The following TRIM23 variants were observed in gnomAD, a reference collection of about 807,000 sequenced individuals.
TRIM23 encodes the protein tripartite motif containing 23.
In TRIM23, 27 loss-of-function variants were observed where a neutral mutation model predicts 71.0. The observed-to-expected ratio is 0.38, with a 90% CI of 0.28 to 0.52. The LOEUF is 0.52. Among genes scored for constraint, TRIM23 ranks in the 20% least tolerant of loss-of-function variants. TRIM23 has a pLI of 0.84. For synonymous variants in TRIM23, 234 were observed against 238.0 expected (o/e 0.98, Z 0.16); for missense variants, 482 against 692.3 (o/e 0.70, Z 3.41).
Position 65,618,251 on chromosome 5 carries a change from A to G in TRIM23, c.86T>C (p.Leu29Pro). The change falls in exon 2 of 11, where the codon CTA becomes CCA. Residue 29 changes from leucine (L) to proline (P), a missense_variant. Around this residue, in one of 2 missense-constraint regions of TRIM23, gnomAD observed 175 missense variants for 196.5 expected, o/e 0.89. Coordinates refer to ENST00000231524, the MANE Select transcript of TRIM23 (RefSeq NM_001656.4). ...GSRGTAVVKV[L>P]ECGVCEDVFS... is the part of the protein sequence containing the mutation. ...GACATCTTCACAAACTCCACACTCT[A>G]GCACCTAATATTTGAAAAGGAAGGA... 2.5e-6 allele frequency: 4 copies of G among 1,608,202 alleles called. No individual in the cohort carries two copies. Among genetic ancestry groups the G allele is most frequent in the Non-Finnish European group, 3.4e-6 (4 of 1,178,076 alleles).
chr5:65,609,116 A>C, intron 6 of TRIM23, 127 bp downstream of exon 6: 1 of 931,556 alleles, frequency 1.1e-6, no homozygotes, highest in Non-Finnish European at 1.6e-6. Context: ...GTTGCAGACC[A>C]TTTCCTAAGC....
intron 4 of TRIM23, 129 bp from the exon 5 acceptor site, chr5:65,611,172 A>G: frequency 1.2e-6 from 1 of 817,946 alleles, no homozygotes; most frequent in Admixed American, 3.6e-5. Context: ...GAAAAATACT[A>G]ATTTACTTTC....
intron 6 of TRIM23, among the ~76,000 whole-genome samples, chr5:65,605,719 CAT>C (rs34877510): frequency 0.015 from 2,229 of 152,292 alleles, 46 homozygotes; most frequent in African/African-American, 0.051. Context: ...ACTATCTATA[CAT>C]ATACCAACAT....
At chr5:65,596,980 A>C in intron 8 of TRIM23, 71 bp downstream of exon 8, 1 of 1,577,016 alleles carries the variant, frequency 6.3e-7, no homozygotes, top group South Asian at 1.2e-5. Flanking sequence ...ATCAGTATCA[A>C]ATAAGACCCC....
intron 1 of TRIM23, 51 bp downstream of exon 1, chr5:65,624,143 T>C (rs577856750): frequency 6.2e-7 from 1 of 1,611,536 alleles, no homozygotes; most frequent in Admixed American, 1.7e-5. Context: ...GTCTCCAGGA[T>C]GAACCGAAGG....
chr5:65,610,804 G>A (rs1754629300), intron 5 of TRIM23, 57 bp downstream of exon 5: 17 of 1,442,414 alleles, frequency 1.2e-5, no homozygotes, highest in Non-Finnish European at 1.6e-5. Flanking sequence ...TTAGTAGAAG[G>A]TGAAAATATG....
chr5:65,596,790 C>A (rs1448449613), intron 8 of TRIM23, among the ~76,000 whole-genome samples: 1 of 152,008 alleles, frequency 6.6e-6, no homozygotes, highest in Non-Finnish European at 1.5e-5. Flanking sequence ...CCACAACTAC[C>A]CCCCACCCCA....
chr5:65,614,319 A>C, intron 2 of TRIM23, 100 bp from the exon 3 acceptor site: 1 of 1,135,570 alleles, frequency 8.8e-7, no homozygotes, highest in South Asian at 1.7e-5. Flanking sequence ...TCAGTAGTTA[A>C]TGTCTAAATT....
chr5:65,619,479 A>C (rs1325253272), intron 1 of TRIM23, among the ~76,000 whole-genome samples: 1 of 152,204 alleles, frequency 6.6e-6, no homozygotes, highest in African/African-American at 2.4e-5. Context: ...CATCAAACAC[A>C]CAACACGAGG....
At chr5:65,606,187 T>C (rs1219322488) in intron 6 of TRIM23, among the ~76,000 whole-genome samples, 1 of 152,186 alleles carries the variant, frequency 6.6e-6, no homozygotes, top group Non-Finnish European at 1.5e-5. Context: ...CTCACACCTG[T>C]AGTCCCAGCA....
intron 6 of TRIM23, among the ~76,000 whole-genome samples, chr5:65,608,375 T>C (rs1395966048): frequency 1.3e-5 from 2 of 152,102 alleles, no homozygotes; most frequent in African/African-American, 4.8e-5. Flanking sequence ...ATAAATAGCA[T>C]ACATATCAAC....
At chr5:65,613,623 T>C (rs1754708552) in intron 3 of TRIM23, 12 of 933,036 alleles carry the variant, frequency 1.3e-5, no homozygotes, top group South Asian at 2.5e-5. Context: ...ACAGTACATC[T>C]ATACAAAGTT....
chr5:65,621,221 G>T (rs552841371), intron 1 of TRIM23, among the ~76,000 whole-genome samples: 1 of 152,028 alleles, frequency 6.6e-6, no homozygotes, highest in Non-Finnish European at 1.5e-5. Flanking sequence ...GCGCGGTGGC[G>T]GGCACCTGTA....
chr5:65,616,354 A>C (rs1174648142), intron 2 of TRIM23, among the ~76,000 whole-genome samples: 1 of 152,140 alleles, frequency 6.6e-6, no homozygotes, highest in African/African-American at 2.4e-5. Context: ...GCTCTTCAAA[A>C]AGGTAGAAGA....
chr5:65,590,693 TC>T lies in TRIM23; in HGVS notation c.*1075del, dbSNP rs1753996774. On this transcript the variant is annotated 3_prime_UTR_variant, in exon 11 of 11. Transcript: ENST00000231524. Reference sequence around the variant, plus strand: ...ATGTAAACTTTTTGAATTTTTTTTTTCTTTAGACATTTTTCCTCTAGAGTAA... The same window carrying T: ...ATGTAAACTTTTTGAATTTTTTTTTTTTTAGACATTTTTCCTCTAGAGTAA... 1 of 985,030 alleles carries T rather than the reference TC, an allele frequency of 1.0e-6. No individual in the cohort carries two copies. The highest frequency in any genetic ancestry group is 1.7e-5 in the African/African-American group (1 of 57,234). 61.0% of individuals were successfully genotyped at this position (985,030 alleles called of 1,614,324 possible). A position where few individuals can be genotyped will look rare whatever the true frequency, so the allele number is the denominator to read the frequency against.
At chr5:65,594,886 C>G (rs1754154704) in intron 9 of TRIM23, among the ~76,000 whole-genome samples, 1 of 152,162 alleles carries the variant, frequency 6.6e-6, no homozygotes, top group Non-Finnish European at 1.5e-5. Context: ...ACAACACTTG[C>G]TCTATCAAAT....
chr5:65,620,716 A>G (rs1754910369), intron 1 of TRIM23, among the ~76,000 whole-genome samples: 1 of 152,212 alleles, frequency 6.6e-6, no homozygotes, highest in Non-Finnish European at 1.5e-5. Flanking sequence ...AATTCTGTCT[A>G]TTATTCATAT....
At chr5:65,619,310 G>A (rs896450428) in intron 1 of TRIM23, among the ~76,000 whole-genome samples, 2 of 152,124 alleles carry the variant, frequency 1.3e-5, no homozygotes, top group Non-Finnish European at 1.5e-5. Flanking sequence ...CTGTATAAGC[G>A]TCTACCGTAA....
At chr5:65,621,052 T>C (rs899289780) in intron 1 of TRIM23, among the ~76,000 whole-genome samples, 1 of 151,550 alleles carries the variant, frequency 6.6e-6, no homozygotes, top group Non-Finnish European at 1.5e-5. Context: ...TTCAATTAAA[T>C]ATAGAAAAAA....
Sources: allele counts gnomAD v4.1 joint callset (sites outside exome capture counted in the v4.1 genomes callset), GRCh38; gene constraint gnomAD v4.1.1; regional missense constraint gnomAD v4.1.1; transcripts MANE v1.5; gene names NCBI Gene and HGNC (gene_info 2026-07-23, HGNC 2026-07-21).